The following ACOX1 variants were observed in gnomAD, a reference collection of about 807,000 sequenced individuals.
The protein encoded by ACOX1 is peroxisomal acyl-coenzyme A oxidase 1.
Under a neutral mutation model 75.5 loss-of-function variants are expected in ACOX1, and 41 were observed. The ratio of observed to expected loss-of-function variants is 0.54; its 90% CI spans 0.42 to 0.70. ACOX1 has a LOEUF of 0.70. ACOX1 is among the 30% of genes least tolerant of loss of function. The pLI is 0.00. For synonymous variants in ACOX1, 303 were observed against 298.8 expected (o/e 1.01, Z -0.15); for missense variants, 630 against 837.5 (o/e 0.75, Z 3.06).
chr17:75,947,461 GGTCTCAAACTCCCGACCTCA>G (rs1359168510), intron 13 of ACOX1, among the ~76,000 whole-genome samples: 4 of 151,952 alleles, frequency 2.6e-5, no homozygotes, highest in African/African-American at 7.3e-5. Context: ...TGGTCAGGCT[GGTCTCAAACTCCCGACCTCA>G]GGTGATCCAC....
chr17:75,968,784 T>C (rs1029665616), intron 2 of ACOX1, among the ~76,000 whole-genome samples: 3 of 150,748 alleles, frequency 2.0e-5, no homozygotes, highest in African/African-American at 7.3e-5. Context: ...TAGCCGGGCG[T>C]GGTGGCGCAT....
chr17:75,979,107 AC>A lies in ACOX1; in HGVS notation c.-35del. On this transcript the variant is annotated 5_prime_UTR_variant, in exon 1 of 14. Transcript: ENST00000293217. ...CCAGCTGGCAGCGAAGTAAGCACCG[AC>A]CGAGGTGGCAGTGACAATCTAAATC... The A allele has an allele frequency of 6.2e-7, 1 of 1,607,068 alleles. No individual in the cohort carries two copies. Among genetic ancestry groups the A allele is most frequent in the Admixed American group, 1.7e-5 (1 of 59,998 alleles).
At position 75,949,213 on chromosome 17, in the gene ACOX1, T is replaced by C. The variant is rs1469328681; in HGVS notation, c.1728+4A>G. On this transcript the variant is annotated splice_donor_region_variant and intron_variant, in intron 12 of 13. Transcript: ENST00000293217. ...AAAAAGACTTATACTTAGAAAATAC[T>C]GACCTGAAGGAAATCCCCCGCGTTC... 3.5e-5 allele frequency: 57 copies of C among 1,614,076 alleles called. No individual in the cohort carries two copies. The highest frequency in any genetic ancestry group is 4.6e-5 in the Non-Finnish European group (54 of 1,180,034).
In ACOX1 at chr17:75,949,362, T is replaced by A; in HGVS notation, c.1585-2A>T. 6.2e-7 allele frequency: 1 copy of A among 1,614,064 alleles called. No individual in the cohort carries two copies. The highest frequency in any genetic ancestry group is 8.5e-7 in the Non-Finnish European group (1 of 1,180,000). ...AACTACCACATAGTGGCAATGTGCC[T>A]AAGATTAAAAAGAAAACACCAGAGT... On this transcript the variant is annotated splice_acceptor_variant, in intron 11 of 13. Coordinates refer to ENST00000293217, the MANE Select transcript of ACOX1 (RefSeq NM_004035.7). LOFTEE classifies it high-confidence loss of function.
chr17:75,969,950 C>A (rs911826403), intron 2 of ACOX1, among the ~76,000 whole-genome samples: 1 of 151,776 alleles, frequency 6.6e-6, no homozygotes, highest in African/African-American at 2.4e-5. Flanking sequence ...TTTGGGAGGC[C>A]GAGGTGGGCA....
chr17:75,965,634 C>G (rs1243756533), intron 2 of ACOX1, among the ~76,000 whole-genome samples: 1 of 149,114 alleles, frequency 6.7e-6, no homozygotes, highest in Non-Finnish European at 1.5e-5. Context: ...AAATACCTTA[C>G]AAGCCTGGGC....
Position 75,956,967 on chromosome 17 carries a change from CTCTCTATATATATATATATATAT to C in ACOX1, c.538+469_538+491del, listed in dbSNP as rs2065836426. On this transcript the variant is annotated intron_variant, in intron 4 of 13. Coordinates refer to ENST00000293217, the MANE Select transcript of ACOX1 (RefSeq NM_004035.7). ...TCTCTCTCTCTCTCTCTCTCTCTCT[CTCTCTATATATATATATATATAT>C]ATATATATATATATATATACACACA... 3.6e-4 allele frequency among the ~76,000 whole-genome samples: 4 copies of C among 11,046 alleles called. No individual in the cohort carries two copies. In the Admixed American group the frequency reaches 4.8e-3, roughly 13 times the overall value. 7.2% of individuals were successfully genotyped at this position (11,046 alleles called of 152,430 possible). A position where few individuals can be genotyped will look rare whatever the true frequency, so the allele number is the denominator to read the frequency against.
intron 4 of ACOX1, among the ~76,000 whole-genome samples, chr17:75,957,167 C>A (rs1005081476): frequency 1.3e-5 from 2 of 151,480 alleles, no homozygotes; most frequent in Non-Finnish European, 2.9e-5. Context: ...CTCATTGCAA[C>A]CTTCCCGGGT....
intron 2 of ACOX1, among the ~76,000 whole-genome samples, chr17:75,968,813 TC>T (rs2065966174): frequency 6.7e-6 from 1 of 149,670 alleles, no homozygotes; most frequent in African/African-American, 2.5e-5. Context: ...TCCCAGCTAC[TC>T]AGGAGGCCGA....
At chr17:75,976,996 T>C (rs1309080057) in intron 2 of ACOX1, among the ~76,000 whole-genome samples, 2 of 138,590 alleles carry the variant, frequency 1.4e-5, no homozygotes, top group Non-Finnish European at 3.1e-5. Context: ...AAAGTCTTTT[T>C]TTTTTTTTTT....
At chr17:75,952,003 T>C (rs1159399931) in intron 7 of ACOX1, among the ~76,000 whole-genome samples, 15 of 152,048 alleles carry the variant, frequency 9.9e-5, no homozygotes, top group Non-Finnish European at 1.3e-4. Context: ...AAGACCATGC[T>C]GTAATTACCT....
chr17:75,948,385 A>G lies in ACOX1; in HGVS notation c.1801T>C (p.Ser601Pro). ...RVKELLTLIR[S>P]DAVALVDAFD... Reference sequence around the variant, plus strand: ...GCATCAACCAAAGCAACAGCATCTGAGCGAATCAGAGTGAGTAACTCCTTT... The same window carrying G: ...GCATCAACCAAAGCAACAGCATCTGGGCGAATCAGAGTGAGTAACTCCTTT... The change falls in exon 13 of 14, where the codon TCA (serine) becomes CCA (proline). Residue 601 changes from serine to proline, a missense_variant. Ser to Pro is a moderately conservative substitution (Grantham distance 74). Around this residue, in one of 2 missense-constraint regions of ACOX1, gnomAD observed 240 missense variants for 262.7 expected, o/e 0.91. Transcript: ENST00000293217. 1.2e-6 allele frequency: 2 copies of G among 1,614,164 alleles called. No homozygotes were observed. The highest frequency in any genetic ancestry group is 1.7e-6 in the Non-Finnish European group (2 of 1,180,020).
intron 12 of ACOX1, 84 bp downstream of exon 12, chr17:75,949,133 T>TATC: frequency 7.2e-6 from 11 of 1,535,134 alleles, no homozygotes; most frequent in Non-Finnish European, 9.9e-6. Flanking sequence ...GTGCTGGGAT[T>TATC]ACAGGCATGA....
At chr17:75,972,657 A>G (rs1054603721) in intron 2 of ACOX1, among the ~76,000 whole-genome samples, 2 of 152,002 alleles carry the variant, frequency 1.3e-5, no homozygotes, top group Non-Finnish European at 2.9e-5. Context: ...AAAAAAAAAA[A>G]AAAAAAAAGA....
intron 2 of ACOX1, among the ~76,000 whole-genome samples, chr17:75,966,696 G>A (rs1024985158): frequency 1.9e-4 from 29 of 151,992 alleles, no homozygotes; most frequent in South Asian, 2.1e-4. Context: ...CCAGCTACTG[G>A]GGAGGCTGAG....
Position 75,955,838 on chromosome 17 carries a change from CT to C in ACOX1, c.647del (p.Lys216SerfsTer20). 1 of 1,614,152 alleles carries C rather than the reference CT, an allele frequency of 6.2e-7. No homozygotes were observed. The highest frequency in any genetic ancestry group is 8.5e-7 in the Non-Finnish European group (1 of 1,180,044). On this transcript the variant is annotated frameshift_variant, in exon 5 of 14. Transcript: ENST00000293217. LOFTEE classifies it high-confidence loss of function. ...ATGAACAGTTCTTACCTGGCAAAGGCTTATGGGTCCCGATTTCACGAATAGG... is the reference window on the plus strand; with the variant it reads ...ATGAACAGTTCTTACCTGGCAAAGGCTATGGGTCCCGATTTCACGAATAGG... ...IVPIREIGTH[K>X]PLPGITVGDI...
At chr17:75,973,614 T>C in intron 2 of ACOX1, 1 of 1,614,128 alleles carries the variant, frequency 6.2e-7, no homozygotes, top group Non-Finnish European at 8.5e-7. Context: ...AGACCCTCAA[T>C]GTGGACTAAC....
intron 8 of ACOX1, 50 bp from the exon 9 acceptor site, chr17:75,951,014 C>T (rs765646940): frequency 3.0e-5 from 47 of 1,584,004 alleles, no homozygotes; most frequent in African/African-American, 6.7e-5. Context: ...GCTGAGAGCC[C>T]GAGAACCAAT....
intron 2 of ACOX1, among the ~76,000 whole-genome samples, chr17:75,972,614 C>T (rs1184099959): frequency 1.4e-5 from 2 of 145,144 alleles, no homozygotes; most frequent in African/African-American, 5.2e-5. Context: ...CATTGCACTC[C>T]AGCCTGGGCA....
Sources: allele counts gnomAD v4.1 joint callset (sites outside exome capture counted in the v4.1 genomes callset), GRCh38; gene constraint gnomAD v4.1.1; regional missense constraint gnomAD v4.1.1; transcripts MANE v1.5; gene names NCBI Gene and HGNC (gene_info 2026-07-23, HGNC 2026-07-21).